The following OOSP4B variants were observed in gnomAD, a reference collection of about 807,000 sequenced individuals.
The protein encoded by OOSP4B is oocyte-secreted protein 4B.
chr11:60,020,188 G>A (rs1189910427), intron 1 of OOSP4B, among the ~76,000 whole-genome samples: 1 of 152,232 alleles, frequency 6.6e-6, no homozygotes, highest in Non-Finnish European at 1.5e-5. Context: ...GAGCCCAGTT[G>A]GCTTCACCCA....
At chr11:60,027,645 G>C (rs911600655) in intron 3 of OOSP4B, among the ~76,000 whole-genome samples, 11 of 74,194 alleles carry the variant, frequency 1.5e-4, no homozygotes, top group African/African-American at 3.9e-4. Context: ...GCAGGTAAAG[G>C]CTATGATATT....
intron 1 of OOSP4B, among the ~76,000 whole-genome samples, chr11:60,020,564 ACAGCGAG>A (rs1854680301): frequency 6.6e-6 from 1 of 152,276 alleles, no homozygotes; most frequent in Admixed American, 6.5e-5. Context: ...GCCTGCAAGC[ACAGCGAG>A]CAGCCCCGGT....
At chr11:60,020,304 AG>A (rs943115999) in intron 1 of OOSP4B, among the ~76,000 whole-genome samples, 14 of 152,082 alleles carry the variant, frequency 9.2e-5, no homozygotes, top group Non-Finnish European at 2.1e-4. Context: ...ACCCTGGAGC[AG>A]GGGGCCCCCG....
At chr11:60,030,992 A>G (rs1590596422) in exon 5 of OOSP4B, 1 of 393,864 alleles carries the variant, frequency 2.5e-6, no homozygotes, top group East Asian at 3.6e-5. Flanking sequence ...TGAATAACAT[A>G]TCTATACCAT....
At chr11:60,029,258 C>G (rs1854779470) in intron 3 of OOSP4B, among the ~76,000 whole-genome samples, 1 of 152,108 alleles carries the variant, frequency 6.6e-6, no homozygotes, top group South Asian at 2.1e-4. Context: ...AAGGAAAGAG[C>G]AGCAGTGGGA....
In OOSP4B at chr11:60,030,836, G is replaced by A. The variant is rs1854800036; in HGVS notation, c.*2G>A. ...TCCAAGAAGTCACTGTATCAATAATGCCTGTGTTATAACACCCTCTCCTCC... is the reference window on the plus strand; with the variant it reads ...TCCAAGAAGTCACTGTATCAATAATACCTGTGTTATAACACCCTCTCCTCC... On this transcript the variant is annotated 3_prime_UTR_variant, in exon 5 of 5. Transcript: ENST00000642343. 5 of 398,116 alleles carry A rather than the reference G, an allele frequency of 1.3e-5. No individual in the cohort carries two copies. The East Asian group carries it at 1.8e-4, about 14-fold the overall frequency. The allele number at this position is 398,116 out of a possible 1,614,324, so 24.7% of individuals were successfully genotyped here.
chr11:60,020,532 C>T (rs907504444), intron 1 of OOSP4B, among the ~76,000 whole-genome samples: 10 of 152,220 alleles, frequency 6.6e-5, no homozygotes, highest in African/African-American at 1.9e-4. Context: ...GCGGAGCCCA[C>T]GCCCACCCAG....
chr11:60,017,655 C>A (rs189718675), intron 1 of OOSP4B, among the ~76,000 whole-genome samples: 1 of 152,202 alleles, frequency 6.6e-6, no homozygotes. Context: ...TGTGCTCAGT[C>A]TTCTTTCTCT....
exon 4 of OOSP4B, chr11:60,029,827 T>C (rs1045066093): frequency 5.0e-6 from 2 of 398,414 alleles, no homozygotes; most frequent in African/African-American, 4.1e-5. Context: ...GTGGGTTTGA[T>C]GCCCACACCT....
At chr11:60,020,523 C>T (rs139293089) in intron 1 of OOSP4B, among the ~76,000 whole-genome samples, 2,930 of 152,330 alleles carry the variant, frequency 0.019, 50 homozygotes, top group Middle Eastern at 0.044. Flanking sequence ...TGTGGGGCAG[C>T]GGAGCCCACG....
chr11:60,018,433 C>T (rs1411250679), intron 1 of OOSP4B, among the ~76,000 whole-genome samples: 1 of 152,162 alleles, frequency 6.6e-6, no homozygotes, highest in Non-Finnish European at 1.5e-5. Context: ...ACCACAAAAT[C>T]TCTTTGGTTA....
intron 1 of OOSP4B, 148 bp downstream of exon 1, chr11:60,017,561 TC>T (rs972131355): frequency 1.8e-5 from 7 of 393,712 alleles, no homozygotes; most frequent in Middle Eastern, 6.3e-4. Context: ...TTTTTTTTTT[TC>T]CCCCTGATTA....
chr11:60,024,696 T>C (rs1017583312), intron 2 of OOSP4B, among the ~76,000 whole-genome samples: 5 of 152,084 alleles, frequency 3.3e-5, no homozygotes, highest in Non-Finnish European at 7.4e-5. Context: ...TTTTCTCCTA[T>C]CCCCCATCTG....
At chr11:60,019,191 C>G (rs1227851447) in intron 1 of OOSP4B, among the ~76,000 whole-genome samples, 1 of 151,894 alleles carries the variant, frequency 6.6e-6, no homozygotes, top group Non-Finnish European at 1.5e-5. Flanking sequence ...CCATTGCACT[C>G]AAGCCTGGGC....
Position 60,030,413 on chromosome 11 carries a change from T to C in OOSP4B, c.451-389T>C, listed in dbSNP as rs956687202. On this transcript the variant is annotated intron_variant, in intron 4 of 4. Coordinates refer to ENST00000642343, the Ensembl canonical transcript of OOSP4B. The stretch of plus-strand genomic sequence containing the variant: ...ACACTCTTTTTAATCAGGATTTTTC[T>C]ACTGAGCTTATTTTAAAAGGATGTC... 2.0e-5 allele frequency among the ~76,000 whole-genome samples: 3 copies of C among 152,218 alleles called. No individual in the cohort carries two copies. The East Asian group carries it at 5.8e-4, about 29-fold the overall frequency.
intron 3 of OOSP4B, among the ~76,000 whole-genome samples, chr11:60,025,659 T>G (rs749083959): frequency 1.1e-4 from 17 of 152,236 alleles, no homozygotes; most frequent in Non-Finnish European, 2.2e-4. Flanking sequence ...TATTATTTGA[T>G]GAAGACTTGT....
chr11:60,021,558 T>C (rs1590592067), intron 1 of OOSP4B: 2 of 152,236 alleles, frequency 1.3e-5, no homozygotes, highest in Non-Finnish European at 2.9e-5. Flanking sequence ...CTGATTGGTA[T>C]TAGGGCCAGC....
chr11:60,027,897 G>A (rs186738111), intron 3 of OOSP4B, among the ~76,000 whole-genome samples: 130 of 151,196 alleles, frequency 8.6e-4, no homozygotes, highest in African/African-American at 2.7e-3. Flanking sequence ...CTGAGATAGC[G>A]CCACTGCACT....
chr11:60,024,896 C>T lies in OOSP4B; in HGVS notation c.205-12C>T, dbSNP rs1854731150. On this transcript the variant is annotated splice_polypyrimidine_tract_variant and intron_variant, in intron 2 of 4. Transcript: ENST00000642343. ...TAATGCCTTCTAGTATTAAAACTCTCAATTGTTTCAGATGTTCCAAACAAA... is the reference window on the plus strand; with the variant it reads ...TAATGCCTTCTAGTATTAAAACTCTTAATTGTTTCAGATGTTCCAAACAAA... The T allele has an allele frequency of 5.0e-6, 2 of 398,140 alleles. No homozygotes were observed. The highest frequency in any genetic ancestry group is 8.8e-5 in the Admixed American group (2 of 22,704). 24.7% of individuals were successfully genotyped at this position (398,140 alleles called of 1,614,324 possible).
Sources: gnomAD v4.1 joint callset for allele counts (sites outside exome capture counted in the v4.1 genomes callset) on GRCh38, gnomAD v4.1.1 for gene constraint, MANE v1.5 for transcripts, NCBI Gene and HGNC (gene_info 2026-07-23, HGNC 2026-07-21) for gene names.